Variants in TPP2 observed in about 807,000 individuals in gnomAD.
The protein encoded by TPP2 is tripeptidyl-peptidase 2.
TPP2 carries 34 observed loss-of-function variants against 155.9 expected under a neutral mutation model. That is an observed-to-expected ratio of 0.22 (90% CI 0.17 to 0.29). The LOEUF (loss-of-function observed/expected upper bound fraction) is 0.29. TPP2 is among the 10% of genes least tolerant of loss of function. The pLI is 1.00. For synonymous variants in TPP2, 510 were observed against 529.4 expected, an observed-to-expected ratio of 0.96 and a Z score of 0.50; for missense variants, 1,028 against 1,522.3, an observed-to-expected ratio of 0.68 and a Z score of 5.40.
chr13:102,662,478 C>T (rs557974114), intron 25 of TPP2, among the ~76,000 whole-genome samples: 3 of 152,118 alleles, frequency 2.0e-5, no homozygotes, highest in Non-Finnish European at 4.4e-5. Flanking sequence ...TTAGCATTCC[C>T]TAGCAAAACT....
At chr13:102,633,345 G>A (rs4772496) in intron 10 of TPP2, among the ~76,000 whole-genome samples, 25,232 of 152,112 alleles carry the variant, frequency 0.17, 2,750 homozygotes, top group African/African-American at 0.31. Flanking sequence ...TGTAAGTATA[G>A]AATGTACACC....
At chr13:102,677,379 C>A (rs1262258663) in intron 29 of TPP2, among the ~76,000 whole-genome samples, 1 of 150,662 alleles carries the variant, frequency 6.6e-6, no homozygotes, top group African/African-American at 2.5e-5. Context: ...CTGCCCCCCC[C>A]GCTGCCTGTT....
intron 10 of TPP2, among the ~76,000 whole-genome samples, chr13:102,632,024 T>G (rs1595166050): frequency 6.6e-6 from 1 of 152,066 alleles, no homozygotes; most frequent in African/African-American, 2.4e-5. Flanking sequence ...GAGGCCAAGG[T>G]AGGTGAATCA....
At position 102,614,218 on chromosome 13, in the gene TPP2, A is replaced by G. The variant is rs781602633; in HGVS notation, c.390+22A>G. On this transcript the variant is annotated intron_variant, in intron 3 of 29. Transcript: ENST00000376052. Reference sequence around the variant, plus strand: ...ACAGGTAATGTACAATCTGGTACCAATGAGTTGTATTCTTCTGACTTGTCT... The same window carrying G: ...ACAGGTAATGTACAATCTGGTACCAGTGAGTTGTATTCTTCTGACTTGTCT... The G allele has an allele frequency of 9.7e-6, 15 of 1,546,198 alleles. No individual in the cohort carries two copies. In the African/African-American group the frequency reaches 1.2e-4, roughly 13 times the overall value.
chr13:102,631,394 T>C (rs934146627), intron 10 of TPP2: 1 of 152,264 alleles, frequency 6.6e-6, no homozygotes, highest in African/African-American at 2.4e-5. Flanking sequence ...TGCGCTGTCA[T>C]TGTAGACTGC....
intron 2 of TPP2, among the ~76,000 whole-genome samples, chr13:102,609,982 T>G (rs1471661545): frequency 3.3e-5 from 5 of 152,178 alleles, no homozygotes; most frequent in Non-Finnish European, 5.9e-5. Flanking sequence ...TCCGCCAGTC[T>G]TCTTAGTCAG....
intron 24 of TPP2, among the ~76,000 whole-genome samples, chr13:102,652,453 T>TATATAA (rs1883582045): frequency 2.3e-5 from 2 of 87,396 alleles, no homozygotes; most frequent in Non-Finnish European, 5.0e-5. Context: ...TATATATATA[T>TATATAA]AAAAGGGACC....
intron 25 of TPP2, among the ~76,000 whole-genome samples, chr13:102,661,987 A>C (rs551216301): frequency 6.6e-6 from 1 of 152,344 alleles, no homozygotes; most frequent in Admixed American, 6.5e-5. Flanking sequence ...AGTTTATAGC[A>C]GCATTATTCA....
In TPP2 at chr13:102,636,344, C is replaced by T; in HGVS notation, c.1630C>T (p.Pro544Ser). ...YLRDPVQVAA[P>S]SDHGVGIEPV... ...CCGAGATCCTGTTCAGGTGGCTGCACCTTCAGATCATGGCGTTGGCATTGA... is the reference window on the plus strand; with the variant it reads ...CCGAGATCCTGTTCAGGTGGCTGCATCTTCAGATCATGGCGTTGGCATTGA... Residue 544 changes from proline to serine, a missense_variant, in exon 13 of 30, where the codon CCT becomes TCT. Transcript: ENST00000376052. 1.2e-6 allele frequency: 2 copies of T among 1,613,574 alleles called. No homozygotes were observed. Among genetic ancestry groups the T allele is most frequent in the Non-Finnish European group, 1.7e-6 (2 of 1,179,848 alleles).
intron 12 of TPP2, 122 bp downstream of exon 12, chr13:102,635,824 C>T (rs1487112411): frequency 1.1e-5 from 8 of 736,748 alleles, no homozygotes; most frequent in Non-Finnish European, 1.5e-5. Flanking sequence ...GATTATATGG[C>T]CATAGAACTA....
intron 1 of TPP2, among the ~76,000 whole-genome samples, chr13:102,598,631 G>T (rs1417714089): frequency 2.0e-5 from 3 of 152,220 alleles, no homozygotes; most frequent in Non-Finnish European, 4.4e-5. Flanking sequence ...TCATTCAGCT[G>T]TGGAGTGTGT....
intron 2 of TPP2, among the ~76,000 whole-genome samples, chr13:102,607,439 TG>T (rs1403682556): frequency 1.3e-5 from 2 of 152,214 alleles, no homozygotes; most frequent in East Asian, 3.9e-4. Context: ...GAGTTTGGCC[TG>T]TCTTCCCCCA....
intron 27 of TPP2, among the ~76,000 whole-genome samples, chr13:102,672,501 C>G (rs933545059): frequency 6.6e-6 from 1 of 152,162 alleles, no homozygotes; most frequent in Non-Finnish European, 1.5e-5. Context: ...TGCAAAACCT[C>G]GCGGCCTTCC....
intron 1 of TPP2, among the ~76,000 whole-genome samples, chr13:102,603,798 A>G (rs1879610331): frequency 6.6e-6 from 1 of 152,158 alleles, no homozygotes; most frequent in South Asian, 2.1e-4. Flanking sequence ...ATTTTGGAGC[A>G]TTTGGAATTT....
chr13:102,613,952 T>C (rs1880514657), intron 2 of TPP2, 149 bp from the exon 3 acceptor site: 2 of 583,938 alleles, frequency 3.4e-6, no homozygotes, highest in Admixed American at 3.5e-5. Flanking sequence ...AGTAACTACT[T>C]AGAGTATTAA....
At chr13:102,659,985 AAAGTAATT>A (rs897937592) in intron 25 of TPP2, among the ~76,000 whole-genome samples, 24 of 39,398 alleles carry the variant, frequency 6.1e-4, no homozygotes, top group African/African-American at 3.4e-3. Context: ...TGCAGATAGT[AAAGTAATT>A]ATTATAACAG....
At chr13:102,611,581 A>C (rs1273007165) in intron 2 of TPP2, among the ~76,000 whole-genome samples, 1 of 152,218 alleles carries the variant, frequency 6.6e-6, no homozygotes, top group Admixed American at 6.5e-5. Context: ...AGGCTGAGAC[A>C]GGAGAACACA....
intron 1 of TPP2, among the ~76,000 whole-genome samples, chr13:102,604,238 GC>G (rs558865487): frequency 1.4e-3 from 214 of 152,206 alleles, no homozygotes; most frequent in African/African-American, 4.9e-3. Context: ...AACTTGTCCA[GC>G]CCACAGCTCA....
At chr13:102,629,399 T>C in intron 8 of TPP2, 83 bp from the exon 9 acceptor site, 1 of 1,368,472 alleles carries the variant, frequency 7.3e-7, no homozygotes, top group Non-Finnish European at 9.4e-7. Context: ...TATGTAGCCA[T>C]ATATTTAAAC....
Sources: gnomAD v4.1 joint callset for allele counts (sites outside exome capture counted in the v4.1 genomes callset) on GRCh38, gnomAD v4.1.1 for gene constraint, MANE v1.5 for transcripts, NCBI Gene and HGNC (gene_info 2026-07-23, HGNC 2026-07-21) for gene names.